GPC5: variants seen among roughly 807,000 people sequenced by gnomAD.
GPC5 encodes glypican-5.
A neutral mutation model predicts 53.9 loss-of-function variants in GPC5; 47 were observed. The ratio of observed to expected loss-of-function variants is 0.87; its 90% CI spans 0.69 to 1.11. GPC5 has a LOEUF of 1.11. GPC5 is among the 50% of genes most tolerant of loss of function. The pLI is 0.00. For missense variants in GPC5, 748 were observed against 713.1 expected, an observed-to-expected ratio of 1.05 and a Z score of -0.56; for synonymous variants, 286 against 263.3, an observed-to-expected ratio of 1.09 and a Z score of -0.84.
At chr13:91,456,516 T>C (rs1881565652) in intron 2 of GPC5, among the ~76,000 whole-genome samples, 1 of 151,980 alleles carries the variant, frequency 6.6e-6, no homozygotes, top group South Asian at 2.1e-4. Context: ...TATATTGTAT[T>C]TAAATGATTT....
chr13:91,634,490 G>A (rs2034238089), intron 2 of GPC5, among the ~76,000 whole-genome samples: 1 of 151,828 alleles, frequency 6.6e-6, no homozygotes, highest in African/African-American at 2.4e-5. Flanking sequence ...TGAATTAGAA[G>A]AAAAATAAAT....
At chr13:92,023,568 G>A (rs1351758817) in intron 6 of GPC5, among the ~76,000 whole-genome samples, 2 of 151,572 alleles carry the variant, frequency 1.3e-5, no homozygotes, top group Non-Finnish European at 2.9e-5. Context: ...TGATTTTGGA[G>A]TTATTCAGCT....
chr13:91,612,568 T>C lies in GPC5; in HGVS notation c.326-80619T>C, dbSNP rs775173898. ...TAAAATATTCAAATATAAAGGGGAA[T>C]CTACGATGTTAGCGAGTGATGATAC... On this transcript the variant is annotated intron_variant, in intron 2 of 7. Coordinates refer to ENST00000377067, the MANE Select transcript of GPC5 (RefSeq NM_004466.6). 3.5e-4 allele frequency among the ~76,000 whole-genome samples: 54 copies of C among 152,132 alleles called. 1 individual carries two copies. Among genetic ancestry groups the C allele is most frequent in the Non-Finnish European group, 1.8e-4 (12 of 68,022 alleles).
At chr13:91,964,220 C>G (rs2040157547) in intron 6 of GPC5, among the ~76,000 whole-genome samples, 1 of 152,084 alleles carries the variant, frequency 6.6e-6, no homozygotes, top group African/African-American at 2.4e-5. Flanking sequence ...AGTGCAGACC[C>G]AAAGAGTGAG....
intron 7 of GPC5, among the ~76,000 whole-genome samples, chr13:92,440,641 A>T (rs1052756938): frequency 2.0e-5 from 3 of 152,184 alleles, no homozygotes; most frequent in Non-Finnish European, 4.4e-5. Context: ...GGGTAGAATA[A>T]TAGTTCAGCT....
rs145785171 is a variant in GPC5, at chr13:92,850,257, T to C, written c.1562-16025T>C. Among the ~76,000 whole-genome samples the C allele has an allele frequency of 3.3e-5, 5 of 152,234 alleles. No homozygotes were observed. The East Asian group carries it at 9.7e-4, about 29-fold the overall frequency. On this transcript the variant is annotated intron_variant, in intron 7 of 7. Coordinates refer to ENST00000377067, the MANE Select transcript of GPC5 (RefSeq NM_004466.6). ...CAAGAAAGCCAACTCCCTCACAGCATTGAGGAAAGCAGAGAACCAACTCAA... is the reference window on the plus strand; with the variant it reads ...CAAGAAAGCCAACTCCCTCACAGCACTGAGGAAAGCAGAGAACCAACTCAA...
At chr13:91,415,814 A>G (rs751276635) in intron 1 of GPC5, among the ~76,000 whole-genome samples, 10 of 152,144 alleles carry the variant, frequency 6.6e-5, no homozygotes, top group African/African-American at 1.2e-4. Context: ...ATGTTGCTCA[A>G]TCTTCTCTGA....
chr13:92,716,877 A>T (rs1888347667), intron 7 of GPC5, among the ~76,000 whole-genome samples: 1 of 152,218 alleles, frequency 6.6e-6, no homozygotes, highest in Non-Finnish European at 1.5e-5. Context: ...GAATGTGGAC[A>T]TGAAATTAAA....
intron 6 of GPC5, among the ~76,000 whole-genome samples, chr13:91,969,441 A>G (rs1336954171): frequency 3.9e-5 from 6 of 152,212 alleles, no homozygotes; most frequent in Admixed American, 1.3e-4. Context: ...ATAGGTAGGA[A>G]AACTCTTTGG....
At position 91,398,706 on chromosome 13, in the gene GPC5, G is replaced by T; in HGVS notation, c.-341G>T. On this transcript the variant is annotated 5_prime_UTR_variant, in exon 1 of 8. Transcript: ENST00000377067. ...GGCGGCAGTGGCGGCAGTGGCGGCA[G>T]CGGCAGCAGTTGCAGCAGTGGTGGC... 1 of 254,022 alleles carries T rather than the reference G, an allele frequency of 3.9e-6. No homozygotes were observed. Among genetic ancestry groups the T allele is most frequent in the Non-Finnish European group, 7.3e-6 (1 of 136,504 alleles). The allele number at this position is 254,022 out of a possible 1,614,324, so 15.7% of individuals were successfully genotyped here. A position where few individuals can be genotyped will look rare whatever the true frequency, so the allele number is the denominator to read the frequency against.
At chr13:92,627,950 G>C (rs1885099288) in intron 7 of GPC5, among the ~76,000 whole-genome samples, 1 of 151,480 alleles carries the variant, frequency 6.6e-6, no homozygotes, top group African/African-American at 2.4e-5. Context: ...TCTTTTTACT[G>C]CTCTCTAATA....
At chr13:92,522,539 G>T (rs536703533) in intron 7 of GPC5, among the ~76,000 whole-genome samples, 1 of 151,992 alleles carries the variant, frequency 6.6e-6, no homozygotes, top group Non-Finnish European at 1.5e-5. Flanking sequence ...AACACTGCAG[G>T]TTCTCACTCA....
intron 2 of GPC5, among the ~76,000 whole-genome samples, chr13:91,636,802 T>TAA (rs889733320): frequency 6.7e-6 from 1 of 150,112 alleles, no homozygotes; most frequent in African/African-American, 2.5e-5. Flanking sequence ...AAAAAATAAT[T>TAA]AAAAAAAAAA....
intron 7 of GPC5, among the ~76,000 whole-genome samples, chr13:92,303,100 C>T (rs999434407): frequency 6.6e-6 from 1 of 151,880 alleles, no homozygotes; most frequent in African/African-American, 2.4e-5. Context: ...TTTTTCCCCC[C>T]TATGGTTCTT....
intron 6 of GPC5, among the ~76,000 whole-genome samples, chr13:92,136,108 T>C (rs2041782178): frequency 6.6e-6 from 1 of 152,150 alleles, no homozygotes; most frequent in Non-Finnish European, 1.5e-5. Context: ...GGAATTATGC[T>C]CTAAATAGTG....
At chr13:92,423,768 C>T (rs1876695418) in intron 7 of GPC5, among the ~76,000 whole-genome samples, 1 of 152,142 alleles carries the variant, frequency 6.6e-6, no homozygotes, top group South Asian at 2.1e-4. Context: ...AGTGAAATTA[C>T]ATGTTTGATT....
chr13:92,196,160 G>A (rs905011797), intron 7 of GPC5, among the ~76,000 whole-genome samples: 1 of 151,172 alleles, frequency 6.6e-6, no homozygotes, highest in Non-Finnish European at 1.5e-5. Context: ...GTATCCCCTT[G>A]AAAAAAAAGT....
At chr13:92,775,848 T>C (rs1201730731) in intron 7 of GPC5, among the ~76,000 whole-genome samples, 1 of 152,204 alleles carries the variant, frequency 6.6e-6, no homozygotes, top group Non-Finnish European at 1.5e-5. Flanking sequence ...ATACAGCCTG[T>C]TGTTTGTAAT....
intron 2 of GPC5, among the ~76,000 whole-genome samples, chr13:91,588,159 C>T (rs763903851): frequency 4.8e-4 from 73 of 152,096 alleles, no homozygotes; most frequent in African/African-American, 6.0e-4. Flanking sequence ...GTCTTTTCAT[C>T]TACAGGTGAT....
Sources: gnomAD v4.1 joint callset for allele counts (sites outside exome capture counted in the v4.1 genomes callset) on GRCh38, gnomAD v4.1.1 for gene constraint, MANE v1.5 for transcripts, NCBI Gene and HGNC (gene_info 2026-07-23, HGNC 2026-07-21) for gene names.